The following RABGAP1L variants were observed in gnomAD, a reference collection of about 807,000 sequenced individuals.
The protein encoded by RABGAP1L is RAB GTPase activating protein 1 like.
Under a neutral mutation model 137.7 loss-of-function variants are expected in RABGAP1L, and 63 were observed. That is an observed-to-expected ratio of 0.46 (90% CI 0.37 to 0.56). The LOEUF is 0.56. Among genes scored for constraint, RABGAP1L ranks in the 20% least tolerant of loss-of-function variants. The pLI is 0.00. For missense variants in RABGAP1L, 1,095 were observed against 1,244.0 expected (o/e 0.88, Z 1.80); for synonymous variants, 431 against 433.7 (o/e 0.99, Z 0.08).
At chr1:174,190,650 CT>C (rs1325726501) in intron 1 of RABGAP1L, among the ~76,000 whole-genome samples, 1 of 152,224 alleles carries the variant, frequency 6.6e-6, no homozygotes, top group Non-Finnish European at 1.5e-5. Flanking sequence ...CAGCAAAAGG[CT>C]GTTTCACTTT....
rs367664468 is a variant in RABGAP1L at position 174,363,578 on chromosome 1, A to G, written c.1466-7401A>G. Among the ~76,000 whole-genome samples the G allele has an allele frequency of 3.9e-5, 6 of 152,224 alleles. No homozygotes were observed. The East Asian group carries it at 1.2e-3, about 29-fold the overall frequency. On this transcript the variant is annotated intron_variant, in intron 11 of 25. Transcript: ENST00000681986. The stretch of plus-strand genomic sequence containing the variant: ...GACTGCTTTAGCTAGAACTTTCAGT[A>G]CTTTGTTGGTTAACAGTGGTGACAG...
intron 11 of RABGAP1L, among the ~76,000 whole-genome samples, chr1:174,327,665 G>C (rs568276774): frequency 6.6e-6 from 1 of 151,796 alleles, no homozygotes; most frequent in Non-Finnish European, 1.5e-5. Context: ...TAACTTGAGT[G>C]TAAATTGATT....
chr1:174,766,125 G>A (rs1017876271), intron 18 of RABGAP1L, among the ~76,000 whole-genome samples: 1 of 152,152 alleles, frequency 6.6e-6, no homozygotes, highest in East Asian at 1.9e-4. Flanking sequence ...ATCATGCAAA[G>A]TCACAGGGAG....
At chr1:174,683,055 G>A (rs947586472) in intron 14 of RABGAP1L, among the ~76,000 whole-genome samples, 13 of 138,236 alleles carry the variant, frequency 9.4e-5, no homozygotes, top group African/African-American at 3.5e-4. Context: ...AGGTTCTAAA[G>A]GGGTTTTTTT....
At chr1:174,887,624 C>G (rs1655392186) in intron 19 of RABGAP1L, among the ~76,000 whole-genome samples, 1 of 149,996 alleles carries the variant, frequency 6.7e-6, no homozygotes, top group South Asian at 2.1e-4. Context: ...GGGGGGGGGT[C>G]ATGGATTCCT....
chr1:174,644,468 A>G (rs1674788557), intron 14 of RABGAP1L, among the ~76,000 whole-genome samples: 1 of 152,012 alleles, frequency 6.6e-6, no homozygotes, highest in Admixed American at 6.6e-5. Flanking sequence ...GGGTTTGATT[A>G]TAGTCACTCT....
At chr1:174,511,506 A>G (rs574708515) in intron 13 of RABGAP1L, among the ~76,000 whole-genome samples, 3 of 152,306 alleles carry the variant, frequency 2.0e-5, no homozygotes, top group African/African-American at 7.2e-5. Flanking sequence ...TTTCATGACT[A>G]CTGGAGTAAT....
At chr1:174,949,903 A>G (rs906676336) in intron 19 of RABGAP1L, among the ~76,000 whole-genome samples, 9 of 152,256 alleles carry the variant, frequency 5.9e-5, no homozygotes, top group Non-Finnish European at 1.2e-4. Context: ...CACAGCTTAT[A>G]CTAGAATGTG....
chr1:174,246,745 G>A (rs1672297282), intron 5 of RABGAP1L, among the ~76,000 whole-genome samples: 1 of 152,036 alleles, frequency 6.6e-6, no homozygotes, highest in African/African-American at 2.4e-5. Context: ...TGGGAGTTTT[G>A]GGGGGTCCTA....
chr1:174,917,699 G>T (rs970117112), intron 19 of RABGAP1L, among the ~76,000 whole-genome samples: 3 of 152,100 alleles, frequency 2.0e-5, no homozygotes, highest in Non-Finnish European at 4.4e-5. Context: ...TTGGGAGGCT[G>T]AGGTGGGTTG....
At chr1:174,655,190 A>T (rs1273957038) in intron 14 of RABGAP1L, among the ~76,000 whole-genome samples, 1 of 152,210 alleles carries the variant, frequency 6.6e-6, no homozygotes, top group Non-Finnish European at 1.5e-5. Context: ...CCAAATCAGT[A>T]CTACCTAATC....
chr1:174,320,417 G>T (rs1457324598), intron 11 of RABGAP1L, among the ~76,000 whole-genome samples: 1 of 152,110 alleles, frequency 6.6e-6, no homozygotes, highest in Non-Finnish European at 1.5e-5. Context: ...TTAGCAGTTG[G>T]TTCTTTTTTA....
At chr1:174,256,812 C>G (rs554630447) in intron 7 of RABGAP1L, among the ~76,000 whole-genome samples, 1 of 151,908 alleles carries the variant, frequency 6.6e-6, no homozygotes, top group Non-Finnish European at 1.5e-5. Flanking sequence ...CAACCAACCA[C>G]GAAAATATAT....
intron 14 of RABGAP1L, among the ~76,000 whole-genome samples, chr1:174,642,772 T>G: frequency 1.8e-5 from 2 of 109,006 alleles, no homozygotes; most frequent in East Asian, 3.1e-4. Flanking sequence ...TCTCTCCCTC[T>G]CCCCCTCTCC....
chr1:174,834,679 T>G (rs1362504092), intron 19 of RABGAP1L, among the ~76,000 whole-genome samples: 1 of 149,754 alleles, frequency 6.7e-6, no homozygotes, highest in African/African-American at 2.5e-5. Context: ...TTAACCTTAG[T>G]GCTTGAATGG....
chr1:174,583,496 G>A (rs1668889520), intron 13 of RABGAP1L, among the ~76,000 whole-genome samples: 1 of 152,154 alleles, frequency 6.6e-6, no homozygotes, highest in African/African-American at 2.4e-5. Flanking sequence ...TATTCTATGA[G>A]ATGCTATGGT....
chr1:174,881,220 G>A (rs138047804), intron 19 of RABGAP1L, among the ~76,000 whole-genome samples: 3 of 152,196 alleles, frequency 2.0e-5, no homozygotes, highest in African/African-American at 7.2e-5. Flanking sequence ...CTGCACCAAA[G>A]GGAATTCCCA....
intron 11 of RABGAP1L, among the ~76,000 whole-genome samples, chr1:174,327,146 A>G (rs1680502133): frequency 6.6e-6 from 1 of 152,158 alleles, no homozygotes; most frequent in African/African-American, 2.4e-5. Flanking sequence ...GGAAAAAGTA[A>G]GTGTCCAGGC....
chr1:174,606,882 CTG>C (rs1196362136), intron 13 of RABGAP1L, among the ~76,000 whole-genome samples: 1 of 152,096 alleles, frequency 6.6e-6, no homozygotes, highest in East Asian at 1.9e-4. Context: ...CAGCTAGCGT[CTG>C]AAGTAAAATG....
Sources: allele counts gnomAD v4.1 joint callset (sites outside exome capture counted in the v4.1 genomes callset), GRCh38; gene constraint gnomAD v4.1.1; transcripts MANE v1.5; gene names NCBI Gene and HGNC (gene_info 2026-07-23, HGNC 2026-07-21).